SCN4A: variants seen among roughly 807,000 people sequenced by gnomAD.
SCN4A encodes sodium channel protein type 4 subunit alpha.
A neutral mutation model predicts 162.0 loss-of-function variants in SCN4A; 83 were observed. That is an observed-to-expected ratio of 0.51 (90% CI 0.43 to 0.61). The LOEUF (loss-of-function observed/expected upper bound fraction) is 0.61, where lower values mean the gene tolerates loss of function less well. Ranked by LOEUF, SCN4A falls within the 20% of genes least tolerant of loss-of-function variation. SCN4A has a pLI of 0.00. For missense variants in SCN4A, 2,196 were observed against 2,462.5 expected, an observed-to-expected ratio of 0.89 and a Z score of 2.29; for synonymous variants, 944 against 985.1, an observed-to-expected ratio of 0.96 and a Z score of 0.78.
chr17:63,941,731 G>GA lies in SCN4A; in HGVS notation c.4550dup (p.Asn1518GlnfsTer37), dbSNP rs1200892404. 6.2e-7 allele frequency: 1 copy of GA among 1,614,124 alleles called. No individual in the cohort carries two copies. Among genetic ancestry groups the GA allele is most frequent in the South Asian group, 1.1e-5 (1 of 91,068 alleles). On this transcript the variant is annotated frameshift_variant, in exon 24 of 24. Transcript: ENST00000435607. LOFTEE classifies it high-confidence loss of function. This position sits in a 1 kb window ranked among gnomAD's most constrained non-coding sequence, Gnocchi z 6.2. ...TGCTGTTGCCGAAGGTCTCGAAGTT[G>GA]AACATATCATCGATGCCCGACTCCT... is the stretch of plus-strand genomic sequence containing the variant.
intron 10 of SCN4A, among the ~76,000 whole-genome samples, chr17:63,962,195 T>G (rs1042547254): frequency 6.6e-6 from 1 of 152,180 alleles, no homozygotes; most frequent in Non-Finnish European, 1.5e-5. Context: ...GGGTCCGAGT[T>G]CCCAGGGAGA....
Position 63,944,881 on chromosome 17 carries a change from G to A in SCN4A, c.3775-71C>T. On this transcript the variant is annotated intron_variant, in intron 20 of 23. Transcript: ENST00000435607. The surrounding 1 kb of genome is among the most constrained non-coding windows in gnomAD (Gnocchi z 4.3). ...TCTCCCTGCCCCCCACAGCCCTGAG[G>A]GCAGGACCCATCCACCCCCAGGGCT... 6.2e-7 allele frequency: 1 copy of A among 1,600,658 alleles called. No individual in the cohort carries two copies. The highest frequency in any genetic ancestry group is 8.5e-7 in the Non-Finnish European group (1 of 1,173,104).
At chr17:63,954,788 T>C (rs1909020496) in intron 13 of SCN4A, among the ~76,000 whole-genome samples, 1 of 152,132 alleles carries the variant, frequency 6.6e-6, no homozygotes, top group African/African-American at 2.4e-5. Context: ...GCCACAGAGC[T>C]GGGCTGGGAA....
At chr17:63,969,632 C>CTTTCT (rs1011097994) in intron 5 of SCN4A, among the ~76,000 whole-genome samples, 71 of 151,980 alleles carry the variant, frequency 4.7e-4, no homozygotes, top group African/African-American at 1.4e-3. Context: ...TTCTTTCTTA[C>CTTTCT]TTTCTTTTCT....
chr17:63,941,662 C>A lies in SCN4A; in HGVS notation c.4620G>T (p.Gly1540=). 6.2e-7 allele frequency: 1 copy of A among 1,614,026 alleles called. No homozygotes were observed. The highest frequency in any genetic ancestry group is 8.5e-7 in the Non-Finnish European group (1 of 1,179,996). Residue 1540 remains glycine (G), a synonymous_variant, in exon 24 of 24, where the codon GGG becomes GGT. Transcript: ENST00000435607. This position sits in a 1 kb window ranked among gnomAD's most constrained non-coding sequence, Gnocchi z 6.2. The stretch of plus-strand genomic sequence containing the variant: ...CGCTGTTGAGGATGGGGTTGAGGAG[C>A]CCGTCCCAGCCGGCCGACGTGGTGA... The part of the protein sequence containing the change: ...FEITTSAGWD[G]LLNPILNSGP...
At chr17:63,962,867 A>C (rs1394689018) in intron 10 of SCN4A, among the ~76,000 whole-genome samples, 1 of 152,188 alleles carries the variant, frequency 6.6e-6, no homozygotes, top group Non-Finnish European at 1.5e-5. Context: ...CTGGCAGGGC[A>C]TATGGGCACC....
Position 63,947,101 on chromosome 17 carries a change from G to A in SCN4A, c.3385C>T (p.Arg1129Trp), listed in dbSNP as rs772071113. 8.3e-6 allele frequency: 13 copies of A among 1,567,200 alleles called. No individual in the cohort carries two copies. Among genetic ancestry groups the A allele is most frequent in the Middle Eastern group, 1.7e-4 (1 of 5,756 alleles). ...YSELGPIKSL[R>W]TLRALRPLRA... is the part of the protein sequence containing the mutation. ...AGGGGACGCAGGGCCCGCAGTGTCC[G>A]CAGGGATTTGATGGGTCCCAGCTCC... The change falls in exon 18 of 24, where the codon CGG (arginine) becomes TGG (tryptophan). Residue 1129 changes from arginine to tryptophan, a missense_variant. Arg to Trp is a moderately radical substitution (Grantham distance 101, BLOSUM62 -3). Transcript: ENST00000435607.
At chr17:63,954,483 C>T (rs1310052305) in intron 13 of SCN4A, among the ~76,000 whole-genome samples, 1 of 152,118 alleles carries the variant, frequency 6.6e-6, no homozygotes, top group African/African-American at 2.4e-5. Flanking sequence ...AATAGCTGCC[C>T]CAGGCATGGG....
intron 15 of SCN4A, among the ~76,000 whole-genome samples, 162 bp from the exon 16 acceptor site, chr17:63,948,927 A>T (rs1908817650): frequency 2.6e-5 from 4 of 152,076 alleles, no homozygotes; most frequent in Admixed American, 2.6e-4. Flanking sequence ...TCTGGCTCAC[A>T]TGGGGGACTC....
intron 8 of SCN4A, among the ~76,000 whole-genome samples, chr17:63,965,776 C>T (rs1452178539): frequency 1.3e-5 from 2 of 152,234 alleles, no homozygotes; most frequent in Admixed American, 6.5e-5. Context: ...CGTGAGCCAC[C>T]GCGCCCGGCA....
At chr17:63,957,586 G>A (rs1909112360) in intron 12 of SCN4A, 68 bp from the exon 13 acceptor site, 2 of 1,094,222 alleles carry the variant, frequency 1.8e-6, no homozygotes. Flanking sequence ...CCCAGCCTTA[G>A]GAGAAAGAAC....
rs1352121072 is a variant in SCN4A, at chr17:63,941,237, G to T, written c.5045C>A (p.Ala1682Asp). ...DKIHCLDILFALTKEVLGDSG... is the reference protein window; with the variant it reads ...DKIHCLDILFDLTKEVLGDSG... ...GTCACCCAGGACCTCTTTGGTCAGG[G>T]CAAAGAGGATGTCCAGGCAGTGGAT... Residue 1682 changes from alanine to aspartate, a missense_variant, in exon 24 of 24, where the codon GCC (alanine) becomes GAC (aspartate). Coordinates refer to ENST00000435607, the MANE Select transcript of SCN4A (RefSeq NM_000334.4). This position sits in a 1 kb window ranked among gnomAD's most constrained non-coding sequence, Gnocchi z 6.2. The T allele has an allele frequency of 8.1e-6, 13 of 1,613,822 alleles. No homozygotes were observed. The highest frequency in any genetic ancestry group is 1.1e-5 in the Non-Finnish European group (13 of 1,179,832).
In SCN4A at chr17:63,949,375, G is replaced by C. The variant is rs2144784248; in HGVS notation, c.2989+18C>G. On this transcript the variant is annotated intron_variant, in intron 15 of 23. Coordinates refer to ENST00000435607, the MANE Select transcript of SCN4A (RefSeq NM_000334.4). ...AGGCCTGGGGGAGACACCCAGATGA[G>C]GTGAGGGGTGCCCTCACCCTCAGTG... The C allele has an allele frequency of 6.4e-7, 1 of 1,559,612 alleles. No individual in the cohort carries two copies. The highest frequency in any genetic ancestry group is 8.7e-7 in the Non-Finnish European group (1 of 1,151,742).
chr17:63,961,355 G>A lies in SCN4A; in HGVS notation c.1683C>T (p.Cys561=), dbSNP rs1555603661. The change falls in exon 11 of 24, where the codon TGC becomes TGT. Residue 561 remains cysteine (C), a synonymous_variant. Transcript: ENST00000435607. ...CAHKVLIWNC[C]APWLKFKNII... ...TGTTCTTGAACTTCAGCCACGGGGC[G>A]CAGCAGTTCCATATGAGCACTTTGT... The A allele has an allele frequency of 1.9e-6, 3 of 1,613,840 alleles. No homozygotes were observed. The highest frequency in any genetic ancestry group is 1.7e-5 in the Admixed American group (1 of 60,018).
Position 63,951,876 on chromosome 17 carries a change from G to A in SCN4A, c.2401C>T (p.Leu801=). 6.5e-7 allele frequency: 1 copy of A among 1,544,496 alleles called. No homozygotes were observed. Among genetic ancestry groups the A allele is most frequent in the Non-Finnish European group, 8.7e-7 (1 of 1,149,146 alleles). ...CTGTCGGCGCTGAAGGAGCTCAGCA[G>A]CAGAGCCAGGAACAGGTTCAGGACC... ...LVVLNLFLAL[L]LSSFSADSLA... is the part of the protein sequence containing the mutation. Residue 801 remains leucine, a synonymous_variant, in exon 14 of 24, where the codon CTG becomes TTG. Coordinates refer to ENST00000435607, the MANE Select transcript of SCN4A (RefSeq NM_000334.4). This position sits in a 1 kb window ranked among gnomAD's most constrained non-coding sequence, Gnocchi z 4.5.
rs1909437590 is a variant in SCN4A at position 63,966,157 on chromosome 17, A to T, written c.1187T>A (p.Phe396Tyr). The stretch of plus-strand genomic sequence containing the variant: ...TGTCATGAGGCGGAAGAGAGCCAAG[A>T]AGGCCCAGCTGAAGGTGTCATAGCT... ...YTSYDTFSWA[F>Y]LALFRLMTQD... Residue 396 changes from phenylalanine to tyrosine, a missense_variant, in exon 8 of 24, where the codon TTC becomes TAC. Coordinates refer to ENST00000435607, the MANE Select transcript of SCN4A (RefSeq NM_000334.4). 1.9e-6 allele frequency: 3 copies of T among 1,593,668 alleles called. No homozygotes were observed. The highest frequency in any genetic ancestry group is 3.3e-4 in the Middle Eastern group (2 of 6,028).
Position 63,941,521 on chromosome 17 carries a change from G to A in SCN4A, c.4761C>T (p.Leu1587=). ...TGGCGATGTACATGTTGACCACGAT[G>A]AGGAAGGAGATGATGATATAGCTGC... ...FFCSYIIISF[L]IVVNMYIAII... is the part of the protein sequence containing the mutation. The change falls in exon 24 of 24, where the codon CTC becomes CTT. Residue 1587 remains leucine, a synonymous_variant. Coordinates refer to ENST00000435607, the MANE Select transcript of SCN4A (RefSeq NM_000334.4). This position sits in a 1 kb window ranked among gnomAD's most constrained non-coding sequence, Gnocchi z 6.2. The A allele has an allele frequency of 6.2e-7, 1 of 1,614,142 alleles. No homozygotes were observed. Among genetic ancestry groups the A allele is most frequent in the East Asian group, 2.2e-5 (1 of 44,886 alleles).
chr17:63,966,334 C>G lies in SCN4A; in HGVS notation c.1101-91G>C, dbSNP rs188919013. ...CCCCAAGGGAAAAATTCCGTCAGTT[C>G]TGCCTGTGTCCCCCAAACAGAAAAG... On this transcript the variant is annotated intron_variant, in intron 7 of 23. Coordinates refer to ENST00000435607, the MANE Select transcript of SCN4A (RefSeq NM_000334.4). The G allele has an allele frequency of 3.4e-5, 49 of 1,453,926 alleles. No homozygotes were observed. In the African/African-American group the frequency reaches 6.0e-4, roughly 18 times the overall value. The allele number at this position is 1,453,926 out of a possible 1,614,324, so 90.1% of individuals were successfully genotyped here.
intron 23 of SCN4A, 92 bp from the exon 24 acceptor site, chr17:63,942,085 G>C: frequency 8.7e-6 from 11 of 1,261,228 alleles, no homozygotes; most frequent in Non-Finnish European, 1.1e-5. Context: ...GCCCGGCCTG[G>C]TGTGCTCTGC....
Sources: gnomAD v4.1 joint callset for allele counts (sites outside exome capture counted in the v4.1 genomes callset) on GRCh38, gnomAD v4.1.1 for gene constraint, Gnocchi (gnomAD v3.1) non-coding constraint, MANE v1.5 for transcripts, NCBI Gene and HGNC (gene_info 2026-07-23, HGNC 2026-07-21) for gene names.